ADGRB3: variants seen among roughly 807,000 people sequenced by gnomAD.
ADGRB3 encodes the protein adhesion G protein-coupled receptor B3.
Under a neutral mutation model 193.4 loss-of-function variants are expected in ADGRB3, and 37 were observed. That is an observed-to-expected ratio of 0.19 (90% CI 0.15 to 0.25). The LOEUF (loss-of-function observed/expected upper bound fraction) is 0.25. ADGRB3 is among the 10% of genes least tolerant of loss of function. The pLI, the probability that ADGRB3 is intolerant of heterozygous loss-of-function variation, is 1.00. For synonymous variants in ADGRB3, 690 were observed against 644.2 expected (o/e 1.07, Z -1.08); for missense variants, 1,637 against 1,852.9 (o/e 0.88, Z 2.14).
Position 68,706,967 on chromosome 6 carries a change from C to T in ADGRB3, c.757+67535C>T, listed in dbSNP as rs377304274. On this transcript the variant is annotated intron_variant, in intron 3 of 31. Transcript: ENST00000370598. The stretch of plus-strand genomic sequence containing the variant: ...TCTACTAAAAATACAAAAAATTAGC[C>T]GGGCATGGTGGCGGGTACCTGTAGA... Among the ~76,000 whole-genome samples, 25 of 151,990 alleles carry T rather than the reference C, an allele frequency of 1.6e-4. 1 individual carries two copies. The highest frequency in any genetic ancestry group is 5.1e-4 in the African/African-American group (21 of 41,470).
chr6:68,851,132 G>A (rs902067435), intron 3 of ADGRB3, among the ~76,000 whole-genome samples: 2 of 151,768 alleles, frequency 1.3e-5, no homozygotes, highest in African/African-American at 4.8e-5. Context: ...TAAAACATGG[G>A]TAACGTGTTT....
At chr6:68,639,722 G>C (rs1768037756) in intron 3 of ADGRB3, among the ~76,000 whole-genome samples, 1 of 152,090 alleles carries the variant, frequency 6.6e-6, no homozygotes, top group African/African-American at 2.4e-5. Context: ...AGATTGGTGA[G>C]GAGGGAGAGG....
chr6:69,126,577 C>A (rs1035352317), intron 17 of ADGRB3, among the ~76,000 whole-genome samples: 2 of 152,168 alleles, frequency 1.3e-5, no homozygotes, highest in African/African-American at 4.8e-5. Flanking sequence ...AGAGAGAATT[C>A]ACCTTTTCTG....
At chr6:68,860,603 A>T (rs1435113822) in intron 3 of ADGRB3, among the ~76,000 whole-genome samples, 1 of 152,210 alleles carries the variant, frequency 6.6e-6, no homozygotes. Flanking sequence ...TCCATGGTGT[A>T]TACCATATAT....
intron 17 of ADGRB3, among the ~76,000 whole-genome samples, chr6:69,220,319 T>C (rs1765865791): frequency 6.6e-6 from 1 of 152,158 alleles, no homozygotes; most frequent in South Asian, 2.1e-4. Flanking sequence ...CTGCAAATTG[T>C]TGTGTCTCCA....
chr6:68,803,646 T>C (rs2127372153), intron 3 of ADGRB3, among the ~76,000 whole-genome samples: 1 of 152,320 alleles, frequency 6.6e-6, no homozygotes, highest in South Asian at 2.1e-4. Context: ...ATACTTGGTT[T>C]TATAATTTCC....
Position 68,956,740 on chromosome 6 carries a change from G to A in ADGRB3, c.1456G>A (p.Val486Met). 6.2e-7 allele frequency: 1 copy of A among 1,614,094 alleles called. No homozygotes were observed. Among genetic ancestry groups the A allele is most frequent in the Non-Finnish European group, 8.5e-7 (1 of 1,179,994 alleles). ...ERRIRTCQGA[V>M]ITGQQCEGTG... ...GCGAATAAGGACCTGTCAGGGTGCA[G>A]TGATAACAGGGCAGCAATGTGAAGG... is the stretch of plus-strand genomic sequence containing the variant. Residue 486 changes from valine to methionine, a missense_variant, in exon 8 of 32, where the codon GTG (valine) becomes ATG (methionine). Around this residue, in one of 7 missense-constraint regions of ADGRB3, gnomAD observed 641 missense variants for 673.9 expected, o/e 0.95. Coordinates refer to ENST00000370598, the MANE Select transcript of ADGRB3 (RefSeq NM_001704.3).
intron 24 of ADGRB3, among the ~76,000 whole-genome samples, chr6:69,333,975 AT>A (rs1561990674): frequency 1.1e-5 from 1 of 93,296 alleles, no homozygotes; most frequent in African/African-American, 4.8e-5. Context: ...ATAAAATAAA[AT>A]AAAATAAAAT....
chr6:69,361,573 GATATT>G (rs1382557498), intron 29 of ADGRB3, 61 bp downstream of exon 29: 2 of 1,489,570 alleles, frequency 1.3e-6, no homozygotes, highest in Non-Finnish European at 1.8e-6. Flanking sequence ...TATAAATAGA[GATATT>G]GATTGATTGG....
chr6:69,327,569 C>T (rs559452149), intron 21 of ADGRB3, among the ~76,000 whole-genome samples: 3 of 152,214 alleles, frequency 2.0e-5, no homozygotes, highest in South Asian at 4.1e-4. Flanking sequence ...TTATTACTTC[C>T]ATTTAAACCC....
intron 11 of ADGRB3, among the ~76,000 whole-genome samples, chr6:69,012,335 A>G (rs1215794385): frequency 1.3e-5 from 2 of 152,068 alleles, no homozygotes; most frequent in Non-Finnish European, 2.9e-5. Context: ...GTTAGAATGC[A>G]GACCGAGGTC....
Position 69,363,001 on chromosome 6 carries a change from G to A in ADGRB3, c.4239+1489G>A, listed in dbSNP as rs1437694261. On this transcript the variant is annotated intron_variant, in intron 29 of 31. Coordinates refer to ENST00000370598, the MANE Select transcript of ADGRB3 (RefSeq NM_001704.3). ...GTGTGGCTCTTTTAAATGTGTTAAA[G>A]GGGGTTGAATGGAACTGCATGAAAA... is the stretch of plus-strand genomic sequence containing the variant. 2.6e-5 allele frequency among the ~76,000 whole-genome samples: 4 copies of A among 151,970 alleles called. No individual in the cohort carries two copies. In the South Asian group the frequency reaches 8.3e-4, roughly 31 times the overall value.
rs1233011994 is a variant in ADGRB3, at chr6:69,172,952, G to GA, written c.2481-60337dup. On this transcript the variant is annotated intron_variant, in intron 17 of 31. Coordinates refer to ENST00000370598, the MANE Select transcript of ADGRB3 (RefSeq NM_001704.3). ...TGAGTGACAAAGTGGTAAATAAAGA[G>GA]ACAGGAGTTATAGGCAGGGCCTGGA... is the stretch of plus-strand genomic sequence containing the variant. Among the ~76,000 whole-genome samples, 6 of 152,234 alleles carry GA rather than the reference G, an allele frequency of 3.9e-5. 1 individual carries two copies. Among genetic ancestry groups the GA allele is most frequent in the Admixed American group, 1.3e-4 (2 of 15,282 alleles).
intron 3 of ADGRB3, among the ~76,000 whole-genome samples, chr6:68,908,540 C>A (rs1302606641): frequency 6.6e-6 from 1 of 151,944 alleles, no homozygotes; most frequent in African/African-American, 2.4e-5. Flanking sequence ...CTTTGTAGAC[C>A]CTATCCAACC....
At chr6:69,339,253 A>G in intron 25 of ADGRB3, 80 bp from the exon 26 acceptor site, 1 of 1,504,716 alleles carries the variant, frequency 6.6e-7, no homozygotes. Flanking sequence ...ACATACAAAA[A>G]TGCTTTGTTG....
chr6:69,345,621 A>G (rs1401854581), intron 26 of ADGRB3, among the ~76,000 whole-genome samples: 1 of 152,216 alleles, frequency 6.6e-6, no homozygotes, highest in East Asian at 1.9e-4. Context: ...AATAAGAGCT[A>G]TTTATGACAA....
intron 3 of ADGRB3, among the ~76,000 whole-genome samples, chr6:68,718,567 C>T (rs1765523112): frequency 6.6e-6 from 1 of 151,686 alleles, no homozygotes; most frequent in East Asian, 1.9e-4. Flanking sequence ...GCTGAAATTC[C>T]CTTCTCTCCA....
At chr6:68,824,116 T>C (rs1767797313) in intron 3 of ADGRB3, among the ~76,000 whole-genome samples, 1 of 152,176 alleles carries the variant, frequency 6.6e-6, no homozygotes, top group South Asian at 2.1e-4. Context: ...AAATTTTATC[T>C]ATTTTCACTT....
intron 3 of ADGRB3, among the ~76,000 whole-genome samples, chr6:68,891,470 G>T (rs1039583792): frequency 3.3e-5 from 5 of 152,122 alleles, no homozygotes; most frequent in African/African-American, 1.2e-4. Context: ...TATAAGAAAA[G>T]GCTAGACAAG....
Sources: allele counts gnomAD v4.1 joint callset (sites outside exome capture counted in the v4.1 genomes callset), GRCh38; gene constraint gnomAD v4.1.1; regional missense constraint gnomAD v4.1.1; transcripts MANE v1.5; gene names NCBI Gene and HGNC (gene_info 2026-07-23, HGNC 2026-07-21).